Variants in SETX observed in about 807,000 individuals in gnomAD.
SETX encodes the protein helicase senataxin.
SETX carries 90 observed loss-of-function variants against 227.2 expected under a neutral mutation model. The observed-to-expected ratio is 0.40, with a 90% confidence interval of 0.33 to 0.47. SETX has a LOEUF of 0.47. Ranked by LOEUF, SETX falls within the 20% of genes least tolerant of loss-of-function variation. SETX has a pLI of 0.91. For synonymous variants in SETX, 1,210 were observed against 1,113.2 expected, an observed-to-expected ratio of 1.09 and a Z score of -1.73; for missense variants, 3,052 against 3,181.5, an observed-to-expected ratio of 0.96 and a Z score of 0.98.
chr9:132,348,383 A>AAC (rs1554825844), intron 3 of SETX, among the ~76,000 whole-genome samples: 4 of 150,284 alleles, frequency 2.7e-5, no homozygotes, highest in South Asian at 2.1e-4. Flanking sequence ...CAAAACAAAA[A>AAC]AAAAACAACC....
At chr9:132,332,256 C>T (rs1847281671) in intron 7 of SETX, among the ~76,000 whole-genome samples, 1 of 152,196 alleles carries the variant, frequency 6.6e-6, no homozygotes, top group Admixed American at 6.5e-5. Flanking sequence ...AAATAGATCA[C>T]TGGCTTTTTC....
In SETX at chr9:132,330,383, G is replaced by A; in HGVS notation, c.1215C>T (p.Asn405=). The part of the protein sequence containing the change: ...SDIGQDMRVH[N]STFLWFIPFV... ...AAGGGATGAACCATAGAAATGTGCT[G>A]TTATGAACACGCATGTCTTGACCAA... The change falls in exon 10 of 26, where the codon AAC becomes AAT. Residue 405 remains asparagine, a synonymous_variant. Coordinates refer to ENST00000224140, the MANE Select transcript of SETX (RefSeq NM_015046.7). 6.2e-7 allele frequency: 1 copy of A among 1,614,176 alleles called. No individual in the cohort carries two copies. Among genetic ancestry groups the A allele is most frequent in the Non-Finnish European group, 8.5e-7 (1 of 1,180,000 alleles).
At position 132,284,398 on chromosome 9, in the gene SETX, T is replaced by A. The variant is rs61233248; in HGVS notation, c.6397-985A>T. ...AATAAACTGCTAATGAAAATATGCA[T>A]TAAATTCAACTATATTTTAGTCACA... On this transcript the variant is annotated intron_variant, in intron 18 of 25. Transcript: ENST00000224140. 1.5e-3 allele frequency among the ~76,000 whole-genome samples: 235 copies of A among 152,332 alleles called. 1 individual carries two copies. The highest frequency in any genetic ancestry group is 5.4e-3 in the African/African-American group (223 of 41,580).
chr9:132,351,188 T>A (rs911713403), intron 2 of SETX, among the ~76,000 whole-genome samples: 26 of 152,090 alleles, frequency 1.7e-4, no homozygotes, highest in Admixed American at 5.9e-4. Flanking sequence ...ATATGGAAAG[T>A]GAACTTAGAA....
Position 132,328,938 on chromosome 9 carries a change from T to A in SETX, c.2660A>T (p.Gln887Leu), listed in dbSNP as rs769138877. Residue 887 changes from glutamine to leucine, a missense_variant, in exon 10 of 26, where the codon CAG becomes CTG. Coordinates refer to ENST00000224140, the MANE Select transcript of SETX (RefSeq NM_015046.7). Reference protein sequence around the residue: ...FSFHENNCKIQEFHVDGKELI... With the variant: ...FSFHENNCKILEFHVDGKELI... Reference sequence around the variant, plus strand: ...TTCTTTACCATCAACATGAAATTCCTGTATTTTACAATTGTTTTCATGGAA... The same window carrying A: ...TTCTTTACCATCAACATGAAATTCCAGTATTTTACAATTGTTTTCATGGAA... 6.2e-7 allele frequency: 1 copy of A among 1,612,198 alleles called. No homozygotes were observed. Among genetic ancestry groups the A allele is most frequent in the African/African-American group, 1.3e-5 (1 of 74,872 alleles).
At chr9:132,296,413 G>A (rs1844671137) in intron 14 of SETX, among the ~76,000 whole-genome samples, 1 of 151,974 alleles carries the variant, frequency 6.6e-6, no homozygotes, top group African/African-American at 2.4e-5. Context: ...ATTAGCTGTG[G>A]GTGGTGGTGT....
intron 23 of SETX, 57 bp from the exon 24 acceptor site, chr9:132,271,865 C>T: frequency 7.0e-7 from 1 of 1,418,664 alleles, no homozygotes; most frequent in Non-Finnish European, 9.9e-7. Flanking sequence ...ATTAAGTATA[C>T]ATATTTATAA....
chr9:132,290,750 G>T (rs749204938), intron 15 of SETX, among the ~76,000 whole-genome samples: 3 of 151,960 alleles, frequency 2.0e-5, no homozygotes, highest in Non-Finnish European at 4.4e-5. Context: ...ACAAAAATTA[G>T]CCAGGCGTGG....
At chr9:132,288,191 A>G (rs1844039155) in intron 17 of SETX, 45 bp downstream of exon 17, 3 of 1,503,570 alleles carry the variant, frequency 2.0e-6, no homozygotes, top group Non-Finnish European at 1.8e-6. Context: ...AAACTTGTTA[A>G]CTAGTTCGTA....
chr9:132,276,292 A>C (rs1275219632), intron 22 of SETX, among the ~76,000 whole-genome samples: 1 of 152,088 alleles, frequency 6.6e-6, no homozygotes, highest in East Asian at 1.9e-4. Flanking sequence ...GGCCTCATTA[A>C]AACCTTTAGG....
Position 132,336,416 on chromosome 9 carries a change from T to A in SETX, c.598A>T (p.Ile200Phe). 6.2e-7 allele frequency: 1 copy of A among 1,614,050 alleles called. No individual in the cohort carries two copies. Among genetic ancestry groups the A allele is most frequent in the Non-Finnish European group, 8.5e-7 (1 of 1,179,922 alleles). ...GGACTCTCTAAAAGCCCCAACTCAA[T>A]GACTTTAAAAAGGCAAAGTAAAACT... The part of the protein sequence containing the change: ...QEVLLCLFKV[I>F]ELGLLESPDI... Residue 200 changes from isoleucine to phenylalanine, a missense_variant, in exon 6 of 26, where the codon ATT becomes TTT. This residue lies in a region of SETX where 239 missense variants were observed against 240.8 expected (regional missense o/e 0.99). Coordinates refer to ENST00000224140, the MANE Select transcript of SETX (RefSeq NM_015046.7).
In SETX at chr9:132,311,676, T is replaced by A. The variant is rs1043111902; in HGVS notation, c.5374+81A>T. ...CTTAGAAAATTTGTGTCCCCCTAAA[T>A]TCAAATAATGCTATCTCCTCTTAAT... On this transcript the variant is annotated intron_variant, in intron 11 of 25. Transcript: ENST00000224140. 4.7e-6 allele frequency: 5 copies of A among 1,053,802 alleles called. No individual in the cohort carries two copies. The African/African-American group carries it at 7.9e-5, about 17-fold the overall frequency. The allele number at this position is 1,053,802 out of a possible 1,614,324, so 65.3% of individuals were successfully genotyped here.
At chr9:132,313,336 C>A (rs1037202011) in intron 10 of SETX, among the ~76,000 whole-genome samples, 1 of 151,984 alleles carries the variant, frequency 6.6e-6, no homozygotes, top group African/African-American at 2.4e-5. Context: ...CCTGAGAGTA[C>A]CTAGAAGATC....
Position 132,330,182 on chromosome 9 carries a change from T to A in SETX, c.1416A>T (p.Lys472Asn), listed in dbSNP as rs886063558. The A allele has an allele frequency of 1.4e-5, 22 of 1,591,706 alleles. No individual in the cohort carries two copies. Among genetic ancestry groups the A allele is most frequent in the Non-Finnish European group, 1.8e-5 (21 of 1,167,226 alleles). Residue 472 changes from lysine (K) to asparagine (N), a missense_variant, in exon 10 of 26, where the codon AAA becomes AAT. Lys to Asn is a moderately conservative substitution (Grantham distance 94). This residue lies in a region of SETX where 179 missense variants were observed against 197.1 expected (regional missense o/e 0.91). Coordinates refer to ENST00000224140, the MANE Select transcript of SETX (RefSeq NM_015046.7). ...LVSVIELHRN[K>N]KCLHLLWVSS... ...TTACCCACAGCAAATGCAAACATTT[T>A]TTATTTCTATGCAGTTCAATCACTG...
chr9:132,349,321 G>A lies in SETX; in HGVS notation c.108C>T (p.Asp36=), dbSNP rs776648073. Residue 36 remains aspartate, a synonymous_variant, in exon 3 of 26, where the codon GAC becomes GAT. Transcript: ENST00000224140. ...CCACACACTCCAAGCAGTAGCAGAG[G>A]TCTTCGTCGGCTGTTTGAAATTCAC... The part of the protein sequence containing the change: ...PSGEFQTADE[D]LCYCLECVAE... 6.2e-7 allele frequency: 1 copy of A among 1,614,070 alleles called. No individual in the cohort carries two copies. The highest frequency in any genetic ancestry group is 8.5e-7 in the Non-Finnish European group (1 of 1,180,022).
In SETX at chr9:132,311,866, G is replaced by C; in HGVS notation, c.5275-10C>G. 6.3e-7 allele frequency: 1 copy of C among 1,590,220 alleles called. No individual in the cohort carries two copies. Among genetic ancestry groups the C allele is most frequent in the Non-Finnish European group, 8.6e-7 (1 of 1,159,298 alleles). ...GCCATTCTTGTGCCACCTATACAAA[G>C]CACAAAAGCAAATTAAGAAAGCAAC... On this transcript the variant is annotated splice_polypyrimidine_tract_variant and intron_variant, in intron 10 of 25. Coordinates refer to ENST00000224140, the MANE Select transcript of SETX (RefSeq NM_015046.7).
In SETX at chr9:132,344,117, G is replaced by C. The variant is rs376048226; in HGVS notation, c.389-1318C>G. On this transcript the variant is annotated intron_variant, in intron 4 of 25. Coordinates refer to ENST00000224140, the MANE Select transcript of SETX (RefSeq NM_015046.7). ...TAAAGTCGACCCTCCAGAGAAGCGGGTTTTGCAACCCATAAATATGGTATT... is the reference window on the plus strand; with the variant it reads ...TAAAGTCGACCCTCCAGAGAAGCGGCTTTTGCAACCCATAAATATGGTATT... 3.3e-5 allele frequency among the ~76,000 whole-genome samples: 5 copies of C among 152,274 alleles called. No homozygotes were observed. The South Asian group carries it at 8.3e-4, about 25-fold the overall frequency.
intron 23 of SETX, among the ~76,000 whole-genome samples, chr9:132,272,585 G>A (rs1025673263): frequency 6.6e-6 from 1 of 152,136 alleles, no homozygotes; most frequent in Non-Finnish European, 1.5e-5. Context: ...CCAAGGAGAT[G>A]CATGCACCAC....
intron 10 of SETX, among the ~76,000 whole-genome samples, chr9:132,324,822 GTTTCT>G (rs1042233027): frequency 1.7e-4 from 26 of 152,150 alleles, no homozygotes; most frequent in African/African-American, 5.1e-4. Flanking sequence ...ATACACGAAA[GTTTCT>G]TTTGAGGATT....
Sources: gnomAD v4.1 joint callset for allele counts (sites outside exome capture counted in the v4.1 genomes callset) on GRCh38, gnomAD v4.1.1 for gene constraint, gnomAD v4.1.1 regional missense constraint, MANE v1.5 for transcripts, NCBI Gene and HGNC (gene_info 2026-07-23, HGNC 2026-07-21) for gene names.